Variants in CCDC85A observed in about 807,000 individuals in gnomAD.
CCDC85A encodes coiled-coil domain-containing protein 85A.
Under a neutral mutation model 50.2 loss-of-function variants are expected in CCDC85A, and 38 were observed. The observed-to-expected ratio is 0.76, with a 90% confidence interval of 0.58 to 0.99. The LOEUF is 0.99. Ranked by LOEUF, CCDC85A falls within the 50% of genes least tolerant of loss-of-function variation. CCDC85A has a pLI of 0.00. For missense variants in CCDC85A, 820 were observed against 742.0 expected, an observed-to-expected ratio of 1.11 and a Z score of -1.22; for synonymous variants, 366 against 301.4, an observed-to-expected ratio of 1.21 and a Z score of -2.22.
chr2:56,219,585 A>AGAG (rs1668232287), intron 2 of CCDC85A, among the ~76,000 whole-genome samples: 1 of 151,700 alleles, frequency 6.6e-6, no homozygotes, highest in Non-Finnish European at 1.5e-5. Flanking sequence ...TCCTCTGTCT[A>AGAG]GAATGCCCTC....
At chr2:56,308,376 G>A (rs987891014) in intron 2 of CCDC85A, among the ~76,000 whole-genome samples, 2 of 152,166 alleles carry the variant, frequency 1.3e-5, no homozygotes, top group Admixed American at 6.6e-5. Flanking sequence ...CCCATTCAGT[G>A]TACATTTGAG....
At chr2:56,222,500 C>A (rs1049707998) in intron 2 of CCDC85A, among the ~76,000 whole-genome samples, 10 of 151,992 alleles carry the variant, frequency 6.6e-5, no homozygotes, top group African/African-American at 2.4e-4. Flanking sequence ...CCTGTTAGAC[C>A]CACTGGGCTG....
chr2:56,274,669 C>T (rs992627807), intron 2 of CCDC85A, among the ~76,000 whole-genome samples: 7 of 152,270 alleles, frequency 4.6e-5, no homozygotes, highest in South Asian at 2.1e-4. Flanking sequence ...ACCAAATGAC[C>T]GGGCACCGTA....
intron 2 of CCDC85A, among the ~76,000 whole-genome samples, chr2:56,273,063 TA>T (rs1241257334): frequency 1.3e-5 from 2 of 152,114 alleles, no homozygotes; most frequent in African/African-American, 4.8e-5. Flanking sequence ...AAAGAGTTAT[TA>T]AGTAACAGTT....
chr2:56,331,892 C>T (rs1196622547), intron 2 of CCDC85A, among the ~76,000 whole-genome samples: 8 of 152,156 alleles, frequency 5.3e-5, no homozygotes, highest in Non-Finnish European at 7.3e-5. Context: ...TTAGATTTTT[C>T]TCTTCACAAA....
intron 2 of CCDC85A, among the ~76,000 whole-genome samples, chr2:56,252,941 C>A (rs1383593098): frequency 6.6e-6 from 1 of 152,036 alleles, no homozygotes; most frequent in Non-Finnish European, 1.5e-5. Context: ...ATCACTTGAA[C>A]TGGGGAGGCG....
At chr2:56,302,942 G>A (rs1672274719) in intron 2 of CCDC85A, among the ~76,000 whole-genome samples, 2 of 152,168 alleles carry the variant, frequency 1.3e-5, no homozygotes, top group Admixed American at 1.3e-4. Context: ...CATTTTAGCT[G>A]TGAAAACCAA....
In CCDC85A at chr2:56,213,129, C is replaced by T. The variant is rs974850927; in HGVS notation, c.1240+19689C>T. ...ATATAATATCCCAGAATCAAAGAAA[C>T]GAGAAGTGAAGAGCTCTCAACTGAC... On this transcript the variant is annotated intron_variant, in intron 2 of 5. Coordinates refer to ENST00000407595, the MANE Select transcript of CCDC85A (RefSeq NM_001080433.2). Among the ~76,000 whole-genome samples, 6 of 151,792 alleles carry T rather than the reference C, an allele frequency of 4.0e-5. No homozygotes were observed. The East Asian group carries it at 9.7e-4, about 25-fold the overall frequency.
At position 56,384,290 on chromosome 2, in the gene CCDC85A, G is replaced by A. The variant is rs2104412967; in HGVS notation, c.1597G>A (p.Ala533Thr). ...LKVVWRKLGDAAGSCPGIRQH... is the reference protein window; with the variant it reads ...LKVVWRKLGDTAGSCPGIRQH... ...GGTTGTGTGGAGGAAACTTGGAGAT[G>A]CTGCAGGTTCGTGTCCTGGAATTAG... The change falls in exon 6 of 6, where the codon GCT becomes ACT. Residue 533 changes from alanine (A) to threonine (T), a missense_variant. Physicochemically the swap from Ala to Thr is moderately conservative, Grantham distance 58 (BLOSUM62 0). Coordinates refer to ENST00000407595, the MANE Select transcript of CCDC85A (RefSeq NM_001080433.2). The A allele has an allele frequency of 6.2e-7, 1 of 1,610,906 alleles. No individual in the cohort carries two copies. Among genetic ancestry groups the A allele is most frequent in the East Asian group, 2.2e-5 (1 of 44,778 alleles).
chr2:56,271,959 C>G (rs556311974), intron 2 of CCDC85A, among the ~76,000 whole-genome samples: 1 of 152,088 alleles, frequency 6.6e-6, no homozygotes, highest in Admixed American at 6.6e-5. Context: ...TAATTTCTGC[C>G]TAAAGATGGA....
chr2:56,334,391 G>A (rs1471446166), intron 2 of CCDC85A, among the ~76,000 whole-genome samples: 1 of 152,208 alleles, frequency 6.6e-6, no homozygotes, highest in African/African-American at 2.4e-5. Context: ...ACTAGTCAGT[G>A]TTTGAGGGTT....
chr2:56,368,421 T>C (rs551353518), intron 3 of CCDC85A, among the ~76,000 whole-genome samples: 140 of 152,254 alleles, frequency 9.2e-4, no homozygotes, highest in African/African-American at 3.2e-3. Context: ...AGAATGAAGA[T>C]TGGCCAAACT....
chr2:56,371,119 A>G (rs939752824), intron 3 of CCDC85A, among the ~76,000 whole-genome samples: 1 of 152,144 alleles, frequency 6.6e-6, no homozygotes, highest in African/African-American at 2.4e-5. Flanking sequence ...TAATGTTGCT[A>G]TGATGAAATT....
At chr2:56,333,563 G>T (rs1673919897) in intron 2 of CCDC85A, among the ~76,000 whole-genome samples, 1 of 152,162 alleles carries the variant, frequency 6.6e-6, no homozygotes, top group African/African-American at 2.4e-5. Flanking sequence ...TGTGATCAGA[G>T]TTAGCGTTTT....
intron 2 of CCDC85A, among the ~76,000 whole-genome samples, chr2:56,249,859 T>G (rs1416914946): frequency 6.6e-6 from 1 of 152,208 alleles, no homozygotes; most frequent in Non-Finnish European, 1.5e-5. Flanking sequence ...CTGATAAACT[T>G]TCTGAAGGTT....
chr2:56,383,105 G>T (rs538317637), intron 5 of CCDC85A, among the ~76,000 whole-genome samples: 1 of 151,912 alleles, frequency 6.6e-6, no homozygotes, highest in African/African-American at 2.4e-5. Flanking sequence ...TTTATGCCAT[G>T]TATTGGTATA....
rs1368307545 is a variant in CCDC85A, at chr2:56,184,584, C to G, written c.-41C>G. ...GCGCCCGCGCCTTCGGGAGTCGCCT[C>G]GCCTCTTCCACCCACTTGCACCTGC... On this transcript the variant is annotated 5_prime_UTR_variant, in exon 1 of 6. Transcript: ENST00000407595. The G allele has an allele frequency of 7.3e-7, 1 of 1,377,056 alleles. No individual in the cohort carries two copies. 85.3% of individuals were successfully genotyped at this position (1,377,056 alleles called of 1,614,324 possible).
At chr2:56,361,616 T>C (rs570976954) in intron 3 of CCDC85A, among the ~76,000 whole-genome samples, 1 of 152,078 alleles carries the variant, frequency 6.6e-6, no homozygotes, top group African/African-American at 2.4e-5. Context: ...TGGAAAAGAG[T>C]ATTCCTGGAA....
At chr2:56,377,097 A>C (rs1676372298) in intron 5 of CCDC85A, among the ~76,000 whole-genome samples, 1 of 152,204 alleles carries the variant, frequency 6.6e-6, no homozygotes, top group Admixed American at 6.5e-5. Context: ...ACATATACTG[A>C]TTATTGATGA....
Sources: gnomAD v4.1 joint callset for allele counts (sites outside exome capture counted in the v4.1 genomes callset) on GRCh38, gnomAD v4.1.1 for gene constraint, MANE v1.5 for transcripts, NCBI Gene and HGNC (gene_info 2026-07-23, HGNC 2026-07-21) for gene names.